The following THSD7B variants were observed in gnomAD, a reference collection of about 807,000 sequenced individuals.
The protein encoded by THSD7B is thrombospondin type 1 domain containing 7B.
A neutral mutation model predicts 213.6 loss-of-function variants in THSD7B; 138 were observed. The observed-to-expected ratio is 0.65, with a 90% CI of 0.56 to 0.74. The LOEUF is 0.74. Ranked by LOEUF, THSD7B falls within the 30% of genes least tolerant of loss-of-function variation. THSD7B has a pLI of 0.00. For synonymous variants in THSD7B, 742 were observed against 687.0 expected (o/e 1.08, Z -1.25); for missense variants, 1,931 against 1,991.5 (o/e 0.97, Z 0.58).
rs535984316 is a variant in THSD7B at position 136,812,732 on chromosome 2, C to T, written c.-36+47045C>T. On this transcript the variant is annotated intron_variant, in intron 1 of 27. Coordinates refer to ENST00000409968, the MANE Select transcript of THSD7B (RefSeq NM_001316349.2). ...CACAAGTAGACAGCAGAGCAGAATT[C>T]GGCCTCAGGCTTGCCTCACTTTGTT... is the stretch of plus-strand genomic sequence containing the variant. Among the ~76,000 whole-genome samples the T allele has an allele frequency of 1.6e-4, 24 of 152,238 alleles. No homozygotes were observed. The South Asian group carries it at 2.5e-3, about 16-fold the overall frequency.
chr2:137,319,630 C>A (rs1435431341), intron 12 of THSD7B, among the ~76,000 whole-genome samples: 1 of 152,170 alleles, frequency 6.6e-6, no homozygotes, highest in Non-Finnish European at 1.5e-5. Context: ...CTGTTGCTGC[C>A]ATTTTCTCAT....
chr2:137,243,079 A>T (rs1681950090), intron 10 of THSD7B, among the ~76,000 whole-genome samples: 1 of 152,230 alleles, frequency 6.6e-6, no homozygotes, highest in Non-Finnish European at 1.5e-5. Context: ...TTTATTCTTA[A>T]TGGTGATACT....
chr2:137,116,966 T>TGTAA (rs2104940247), intron 5 of THSD7B, among the ~76,000 whole-genome samples: 1 of 152,282 alleles, frequency 6.6e-6, no homozygotes, highest in African/African-American at 2.4e-5. Flanking sequence ...CTTAGAAAGC[T>TGTAA]GTAAGTCTGA....
At chr2:137,615,768 TA>T (rs1168411060) in intron 17 of THSD7B, among the ~76,000 whole-genome samples, 2 of 152,170 alleles carry the variant, frequency 1.3e-5, no homozygotes, top group Non-Finnish European at 2.9e-5. Flanking sequence ...TCTGTGTGAT[TA>T]TTTTTATTGG....
At chr2:137,583,479 ATTTAAGTCTT>A (rs1681633824) in intron 17 of THSD7B, among the ~76,000 whole-genome samples, 1 of 152,192 alleles carries the variant, frequency 6.6e-6, no homozygotes, top group Non-Finnish European at 1.5e-5. Context: ...TAGGTCTAAC[ATTTAAGTCTT>A]AAATCCATCT....
At chr2:137,218,542 T>TA (rs1347492173) in intron 7 of THSD7B, among the ~76,000 whole-genome samples, 9 of 25,504 alleles carry the variant, frequency 3.5e-4, no homozygotes, top group Non-Finnish European at 7.3e-4. Context: ...TACGGTTTGT[T>TA]CTTCTTTAGA....
rs542530507 is a variant in THSD7B, at chr2:137,282,090, G to A, written c.2500+6064G>A. Among the ~76,000 whole-genome samples the A allele has an allele frequency of 2.7e-4, 40 of 150,110 alleles. 1 individual carries two copies. In the East Asian group the frequency reaches 5.7e-3, roughly 21 times the overall value. On this transcript the variant is annotated intron_variant, in intron 12 of 27. Coordinates refer to ENST00000409968, the MANE Select transcript of THSD7B (RefSeq NM_001316349.2). ...GTTGTTTCCTGACTTTTTAATGATC[G>A]CCATTCTAACTGGTGTGAGATGGTA...
rs190025221 is a variant in THSD7B, at chr2:136,897,432, C to G, written c.139+15115C>G. Among the ~76,000 whole-genome samples the G allele has an allele frequency of 2.5e-3, 340 of 138,156 alleles. 3 individuals carry two copies. Among genetic ancestry groups the G allele is most frequent in the Non-Finnish European group, 4.3e-3 (260 of 60,222 alleles). The allele number at this position is 138,156 out of a possible 152,430, so 90.6% of individuals were successfully genotyped here. A position where few individuals can be genotyped will look rare whatever the true frequency, so the allele number is the denominator to read the frequency against. The stretch of plus-strand genomic sequence containing the variant: ...AGTGTTACAGCTCTTAAAGGTGGCA[C>G]ATCTGGAGTTGTTTGTTCCTTCCAG... On this transcript the variant is annotated intron_variant, in intron 2 of 27. Transcript: ENST00000409968.
At position 137,450,837 on chromosome 2, in the gene THSD7B, T is replaced by C. The variant is rs1341827241; in HGVS notation, c.2960-8T>C. 2.5e-6 allele frequency: 4 copies of C among 1,583,776 alleles called. No individual in the cohort carries two copies. The African/African-American group carries it at 4.1e-5, about 16-fold the overall frequency. ...CAGACTTTCTTCTCTTAAATCTTTT[T>C]CTGTCAGGTTACATTCAAGAAAAAT... On this transcript the variant is annotated splice_polypyrimidine_tract_variant and splice_region_variant and intron_variant, in intron 14 of 27. Transcript: ENST00000409968.
rs970423082 is a variant in THSD7B at position 136,785,849 on chromosome 2, A to G, written c.-36+20162A>G. 3.9e-5 allele frequency among the ~76,000 whole-genome samples: 6 copies of G among 152,196 alleles called. 1 individual carries two copies. The highest frequency in any genetic ancestry group is 1.3e-4 in the Admixed American group (2 of 15,282). ...CCTGTTTTATAAAATGTAAAATGAGATGATAATATCCAGTTTGTATGGCTA... is the reference window on the plus strand; with the variant it reads ...CCTGTTTTATAAAATGTAAAATGAGGTGATAATATCCAGTTTGTATGGCTA... On this transcript the variant is annotated intron_variant, in intron 1 of 27. Transcript: ENST00000409968.
intron 4 of THSD7B, among the ~76,000 whole-genome samples, chr2:137,113,471 T>G (rs1228428078): frequency 1.3e-5 from 2 of 152,168 alleles, no homozygotes; most frequent in Non-Finnish European, 2.9e-5. Flanking sequence ...AGTTTTGCTC[T>G]CGTTGCCCAG....
chr2:136,917,558 G>T (rs1032444743), intron 2 of THSD7B, among the ~76,000 whole-genome samples: 1 of 152,128 alleles, frequency 6.6e-6, no homozygotes, highest in Non-Finnish European at 1.5e-5. Context: ...ACTCTGGCTG[G>T]CCTAATGGAC....
At chr2:137,459,951 G>A (rs1687852538) in intron 15 of THSD7B, among the ~76,000 whole-genome samples, 1 of 152,120 alleles carries the variant, frequency 6.6e-6, no homozygotes, top group Admixed American at 6.5e-5. Flanking sequence ...TACTACCAGG[G>A]TTAAGATTCT....
intron 3 of THSD7B, among the ~76,000 whole-genome samples, chr2:137,075,644 T>G (rs1457491839): frequency 6.6e-6 from 1 of 152,246 alleles, no homozygotes; most frequent in African/African-American, 2.4e-5. Context: ...TGCGTTCCTT[T>G]GGAGCAGGAG....
chr2:137,449,667 T>C (rs570185820), intron 14 of THSD7B, among the ~76,000 whole-genome samples: 3 of 152,216 alleles, frequency 2.0e-5, no homozygotes, highest in Non-Finnish European at 4.4e-5. Flanking sequence ...GCTTGCAGTT[T>C]CCTGTCATGT....
At chr2:136,789,188 A>T (rs1310107393) in intron 1 of THSD7B, among the ~76,000 whole-genome samples, 3 of 152,054 alleles carry the variant, frequency 2.0e-5, no homozygotes, top group Admixed American at 1.3e-4. Context: ...AAGTTTTTAT[A>T]GTTTTTGAAA....
intron 2 of THSD7B, among the ~76,000 whole-genome samples, chr2:136,972,373 C>T (rs569030201): frequency 3.9e-4 from 60 of 152,070 alleles, no homozygotes; most frequent in South Asian, 8.3e-4. Context: ...GTTGCTCTAG[C>T]GAATAGGCAG....
intron 12 of THSD7B, among the ~76,000 whole-genome samples, chr2:137,381,399 C>T (rs937481063): frequency 5.3e-5 from 8 of 152,200 alleles, no homozygotes; most frequent in South Asian, 4.1e-4. Context: ...ACCCTCCAGA[C>T]GCAGGCAGGT....
intron 17 of THSD7B, among the ~76,000 whole-genome samples, chr2:137,614,915 A>C (rs904450803): frequency 1.3e-5 from 2 of 152,176 alleles, no homozygotes; most frequent in Non-Finnish European, 2.9e-5. Flanking sequence ...CTATATCTGA[A>C]AGAGGAATAG....
Sources: gnomAD v4.1 joint callset for allele counts (sites outside exome capture counted in the v4.1 genomes callset) on GRCh38, gnomAD v4.1.1 for gene constraint, MANE v1.5 for transcripts, NCBI Gene and HGNC (gene_info 2026-07-23, HGNC 2026-07-21) for gene names.